Variants in BIRC6 observed in about 807,000 individuals in gnomAD.
BIRC6 encodes the protein dual E2 ubiquitin-conjugating enzyme/E3 ubiquitin-protein ligase BIRC6.
In BIRC6, 98 loss-of-function variants were observed where a neutral mutation model predicts 503.3. That is an observed-to-expected ratio of 0.19 (90% CI 0.17 to 0.23). The LOEUF (loss-of-function observed/expected upper bound fraction) is 0.23, where lower values mean the gene tolerates loss of function less well. Ranked by LOEUF, BIRC6 falls within the 10% of genes least tolerant of loss-of-function variation. The pLI is 1.00. For synonymous variants in BIRC6, 2,240 were observed against 2,078.7 expected, an observed-to-expected ratio of 1.08 and a Z score of -2.11; for missense variants, 5,360 against 5,806.0, an observed-to-expected ratio of 0.92 and a Z score of 2.50.
At chr2:32,402,414 T>C (rs1472948625) in intron 8 of BIRC6, among the ~76,000 whole-genome samples, 3 of 152,226 alleles carry the variant, frequency 2.0e-5, no homozygotes, top group African/African-American at 7.2e-5. Context: ...TTCCAGGGGC[T>C]CCTTATGTTA....
chr2:32,491,142 A>T (rs536226720), intron 43 of BIRC6, among the ~76,000 whole-genome samples: 1 of 152,198 alleles, frequency 6.6e-6, no homozygotes, highest in Non-Finnish European at 1.5e-5. Context: ...GGCTTTCCAA[A>T]TAAGAGTCAG....
intron 35 of BIRC6, 91 bp downstream of exon 35, chr2:32,477,674 G>A: frequency 1.1e-6 from 1 of 950,990 alleles, no homozygotes. Context: ...TGAGGTGGGT[G>A]GATTATCTGA....
chr2:32,460,197 TATATC>T (rs2047681739), intron 23 of BIRC6, among the ~76,000 whole-genome samples: 1 of 138,124 alleles, frequency 7.2e-6, no homozygotes, highest in Non-Finnish European at 1.5e-5. Flanking sequence ...ATATGTGATA[TATATC>T]ATATATGATA....
chr2:32,488,907 A>G (rs545355121), intron 42 of BIRC6, among the ~76,000 whole-genome samples, 193 bp downstream of exon 42: 18 of 152,346 alleles, frequency 1.2e-4, no homozygotes, highest in African/African-American at 4.3e-4. Flanking sequence ...TGTTGAGAAT[A>G]GAAGACTCCT....
chr2:32,581,048 A>G (rs1374046426), intron 66 of BIRC6, among the ~76,000 whole-genome samples: 3 of 152,174 alleles, frequency 2.0e-5, no homozygotes, highest in African/African-American at 7.2e-5. Flanking sequence ...TCCAACACTA[A>G]TCCTATTACT....
At chr2:32,398,480 A>G (rs1012657771) in intron 6 of BIRC6, among the ~76,000 whole-genome samples, 4 of 152,210 alleles carry the variant, frequency 2.6e-5, no homozygotes, top group East Asian at 1.9e-4. Flanking sequence ...GATAAAATGT[A>G]TATGTGTCAT....
intron 22 of BIRC6, among the ~76,000 whole-genome samples, chr2:32,451,635 G>A (rs1004716385): frequency 1.3e-5 from 2 of 152,160 alleles, no homozygotes; most frequent in African/African-American, 4.8e-5. Flanking sequence ...GCATGCCAAA[G>A]TACCATGCTT....
intron 33 of BIRC6, among the ~76,000 whole-genome samples, chr2:32,473,559 T>C (rs942162837): frequency 3.3e-5 from 5 of 152,108 alleles, no homozygotes; most frequent in Admixed American, 3.3e-4. Context: ...TCCATTTTCC[T>C]TCATGTAATT....
chr2:32,484,430 T>C (rs1483523569), intron 39 of BIRC6, among the ~76,000 whole-genome samples: 1 of 151,740 alleles, frequency 6.6e-6, no homozygotes, highest in Non-Finnish European at 1.5e-5. Context: ...GGCGGGTACC[T>C]GTAATCCTTG....
intron 9 of BIRC6, among the ~76,000 whole-genome samples, chr2:32,414,203 G>T (rs1250636746): frequency 6.6e-6 from 1 of 152,142 alleles, no homozygotes; most frequent in Admixed American, 6.6e-5. Context: ...CTTGAACCTG[G>T]GAGGCGGAGG....
Position 32,555,112 on chromosome 2 carries a change from T to C in BIRC6, c.13144+5631T>C, listed in dbSNP as rs528865046. 3.9e-5 allele frequency among the ~76,000 whole-genome samples: 6 copies of C among 152,316 alleles called. No individual in the cohort carries two copies. In the East Asian group the frequency reaches 1.2e-3, roughly 29 times the overall value. ...CTGAGAAACAAATAATGAAAAATTG[T>C]CGAGCTGTCGTAACATGATACTTAA... On this transcript the variant is annotated intron_variant, in intron 65 of 73. Transcript: ENST00000421745.
intron 20 of BIRC6, among the ~76,000 whole-genome samples, chr2:32,444,605 G>T (rs1424668161): frequency 6.6e-6 from 1 of 151,980 alleles, no homozygotes; most frequent in East Asian, 1.9e-4. Context: ...AACCATTCAG[G>T]CTGGGCACAG....
chr2:32,468,522 T>A lies in BIRC6; in HGVS notation c.5866T>A (p.Phe1956Ile), dbSNP rs1413257234. Residue 1956 changes from phenylalanine (F) to isoleucine (I), a missense_variant, in exon 29 of 74, where the codon TTT becomes ATT. By Grantham distance (21) the Phe-to-Ile change is conservative. This residue lies in a region of BIRC6 where 2,299 missense variants were observed against 2,267.2 expected (regional missense o/e 1.01). Coordinates refer to ENST00000421745, the MANE Select transcript of BIRC6 (RefSeq NM_016252.4). ...AAACAGTGCTAACAATGCACAGTACTTTTTACGAAAACCAGATAAGGCAGT... is the reference window on the plus strand; with the variant it reads ...AAACAGTGCTAACAATGCACAGTACATTTTACGAAAACCAGATAAGGCAGT... ...PLNSANNAQY[F>I]LRKPDKAVEE... 6.2e-7 allele frequency: 1 copy of A among 1,614,012 alleles called. No individual in the cohort carries two copies. The highest frequency in any genetic ancestry group is 8.5e-7 in the Non-Finnish European group (1 of 1,179,882).
intron 21 of BIRC6, 144 bp downstream of exon 21, chr2:32,445,812 G>T: frequency 1.9e-6 from 1 of 532,184 alleles, no homozygotes; most frequent in Non-Finnish European, 3.0e-6. Context: ...TTTTCCATAC[G>T]ATAATAGCCT....
At chr2:32,615,941 T>A (rs2063203448) in intron 73 of BIRC6, among the ~76,000 whole-genome samples, 1 of 152,142 alleles carries the variant, frequency 6.6e-6, no homozygotes, top group Non-Finnish European at 1.5e-5. Context: ...CCGACACAAT[T>A]TTAAAAGCCT....
At chr2:32,496,106 C>G (rs1425364838) in intron 45 of BIRC6, among the ~76,000 whole-genome samples, 1 of 152,176 alleles carries the variant, frequency 6.6e-6, no homozygotes, top group Non-Finnish European at 1.5e-5. Flanking sequence ...GCTGGGATTA[C>G]AGGCATGAGC....
rs779954878 is a variant in BIRC6 at position 32,547,949 on chromosome 2, T to C, written c.12910T>C (p.Trp4304Arg). Residue 4304 changes from tryptophan (W) to arginine (R), a missense_variant, in exon 64 of 74, where the codon TGG (tryptophan) becomes CGG (arginine). Transcript: ENST00000421745. ...TGGAACAGGCTCTACAGCTTCTGGG[T>C]GGGATGTGGAACAAGCCTTAACTAA... The part of the protein sequence containing the change: ...GFGTGSTASG[W>R]DVEQALTKQR... 2 of 1,613,580 alleles carry C rather than the reference T, an allele frequency of 1.2e-6. No individual in the cohort carries two copies. The highest frequency in any genetic ancestry group is 1.7e-6 in the Non-Finnish European group (2 of 1,179,772).
chr2:32,470,841 G>A (rs2049021340), intron 31 of BIRC6, among the ~76,000 whole-genome samples, 173 bp from the exon 32 acceptor site: 1 of 152,084 alleles, frequency 6.6e-6, no homozygotes, highest in Non-Finnish European at 1.5e-5. Flanking sequence ...GTTCTACTCA[G>A]TTTCTGGCTG....
chr2:32,593,974 A>G lies in BIRC6; in HGVS notation c.13415A>G (p.Glu4472Gly), dbSNP rs774271622. 1 of 1,613,762 alleles carries G rather than the reference A, an allele frequency of 6.2e-7. No homozygotes were observed. Among genetic ancestry groups the G allele is most frequent in the Non-Finnish European group, 8.5e-7 (1 of 1,179,748 alleles). The part of the protein sequence containing the change: ...VKPDASDQEP[E>G]GLTLLVPDIQ... ...CCAGATGCGTCTGATCAAGAACCAG[A>G]AGGACTTACTCTTTTGGTACCAGAC... The change falls in exon 67 of 74, where the codon GAA (glutamate) becomes GGA (glycine). Residue 4472 changes from glutamate to glycine, a missense_variant. Physicochemically the swap from Glu to Gly is moderately conservative, Grantham distance 98. Coordinates refer to ENST00000421745, the MANE Select transcript of BIRC6 (RefSeq NM_016252.4).
Sources: gnomAD v4.1 joint callset for allele counts (sites outside exome capture counted in the v4.1 genomes callset) on GRCh38, gnomAD v4.1.1 for gene constraint, gnomAD v4.1.1 regional missense constraint, MANE v1.5 for transcripts, NCBI Gene and HGNC (gene_info 2026-07-23, HGNC 2026-07-21) for gene names.